SLC39A9: variants seen among roughly 807,000 people sequenced by gnomAD.
SLC39A9 encodes the protein solute carrier family 39 member 9.
A neutral mutation model predicts 28.4 loss-of-function variants in SLC39A9; 14 were observed. The observed-to-expected ratio is 0.49, with a 90% confidence interval of 0.33 to 0.77. SLC39A9 has a LOEUF of 0.77. Among genes scored for constraint, SLC39A9 ranks in the 30% least tolerant of loss-of-function variants. The probability of loss-of-function intolerance (pLI) is 0.02; values close to 1 mark genes in which losing one functional copy is unlikely to be tolerated. For missense variants in SLC39A9, 283 were observed against 381.1 expected, an observed-to-expected ratio of 0.74 and a Z score of 2.14; for synonymous variants, 119 against 149.6, an observed-to-expected ratio of 0.80 and a Z score of 1.49.
At chr14:69,409,797 G>A (rs192169983) in intron 1 of SLC39A9, among the ~76,000 whole-genome samples, 1 of 152,094 alleles carries the variant, frequency 6.6e-6, no homozygotes, top group African/African-American at 2.4e-5. Flanking sequence ...TTTTTTCAGG[G>A]ATAGAATGAT....
rs189947368 is a variant in SLC39A9, at chr14:69,460,654, T to C, written c.*2061T>C. Reference sequence around the variant, plus strand: ...TTCAGCAGTGCCTTGCCATCATGCTTAAAAGTTTGGCTAGTATATCTTGCT... The same window carrying C: ...TTCAGCAGTGCCTTGCCATCATGCTCAAAAGTTTGGCTAGTATATCTTGCT... On this transcript the variant is annotated 3_prime_UTR_variant, in exon 7 of 7. Coordinates refer to ENST00000336643, the MANE Select transcript of SLC39A9 (RefSeq NM_018375.5). 40 of 985,476 alleles carry C rather than the reference T, an allele frequency of 4.1e-5. No individual in the cohort carries two copies. The highest frequency in any genetic ancestry group is 4.7e-5 in the Non-Finnish European group (39 of 829,948). 61.0% of individuals were successfully genotyped at this position (985,476 alleles called of 1,614,324 possible).
chr14:69,408,711 C>G (rs1883073836), intron 1 of SLC39A9, among the ~76,000 whole-genome samples: 1 of 152,142 alleles, frequency 6.6e-6, no homozygotes, highest in South Asian at 2.1e-4. Context: ...GTCTACAAGC[C>G]TCTAGACTGC....
At chr14:69,422,631 C>G (rs1430439740) in intron 1 of SLC39A9, among the ~76,000 whole-genome samples, 1 of 152,180 alleles carries the variant, frequency 6.6e-6, no homozygotes, top group Non-Finnish European at 1.5e-5. Flanking sequence ...GTCACCCAAG[C>G]TGGAGTGCAG....
intron 4 of SLC39A9, among the ~76,000 whole-genome samples, chr14:69,453,526 A>G (rs72723841): frequency 2.1e-3 from 327 of 152,120 alleles, no homozygotes; most frequent in Non-Finnish European, 3.5e-3. Flanking sequence ...ATGGTTTAAA[A>G]AAAAAAAGAG....
chr14:69,453,441 C>T, intron 4 of SLC39A9, 132 bp downstream of exon 4: 2 of 709,810 alleles, frequency 2.8e-6, no homozygotes, highest in Admixed American at 2.6e-5. Context: ...TTAATGAAGT[C>T]CTCCAACACA....
At chr14:69,452,482 C>T (rs1384142196) in intron 3 of SLC39A9, among the ~76,000 whole-genome samples, 1 of 152,128 alleles carries the variant, frequency 6.6e-6, no homozygotes, top group African/African-American at 2.4e-5. Flanking sequence ...GCGCCCGCCA[C>T]CATACTCAGC....
intron 3 of SLC39A9, among the ~76,000 whole-genome samples, chr14:69,451,991 C>T (rs1269531359): frequency 6.6e-6 from 1 of 152,148 alleles, no homozygotes; most frequent in East Asian, 1.9e-4. Flanking sequence ...GCTGAGATTA[C>T]AGGCATGAGC....
intron 3 of SLC39A9, among the ~76,000 whole-genome samples, chr14:69,446,958 A>C (rs1885353939): frequency 6.7e-6 from 1 of 148,352 alleles, no homozygotes; most frequent in Non-Finnish European, 1.5e-5. Flanking sequence ...AGAGAGAGAG[A>C]GAGAGAGAGC....
intron 3 of SLC39A9, among the ~76,000 whole-genome samples, chr14:69,446,297 T>C (rs751127585): frequency 2.0e-5 from 3 of 150,896 alleles, no homozygotes; most frequent in Non-Finnish European, 4.4e-5. Context: ...TATATATATG[T>C]CCTAGCTCTG....
At chr14:69,431,809 G>A (rs986949483) in intron 2 of SLC39A9, among the ~76,000 whole-genome samples, 1 of 152,006 alleles carries the variant, frequency 6.6e-6, no homozygotes, top group African/African-American at 2.4e-5. Flanking sequence ...GAGAACATGT[G>A]GTATTTGGTT....
chr14:69,437,537 A>G (rs1466020033), intron 2 of SLC39A9, among the ~76,000 whole-genome samples: 1 of 152,030 alleles, frequency 6.6e-6, no homozygotes, highest in Non-Finnish European at 1.5e-5. Flanking sequence ...AGATGTCTCC[A>G]ACATTCCTTT....
At chr14:69,446,700 C>G (rs969107988) in intron 3 of SLC39A9, among the ~76,000 whole-genome samples, 3 of 151,540 alleles carry the variant, frequency 2.0e-5, no homozygotes, top group Non-Finnish European at 1.5e-5. Context: ...TGGTGAAACC[C>G]CATCTCTACT....
chr14:69,428,274 CAA>C (rs780805663), intron 2 of SLC39A9, among the ~76,000 whole-genome samples: 23 of 82,038 alleles, frequency 2.8e-4, no homozygotes, highest in African/African-American at 3.9e-4. Flanking sequence ...GACTCTGTCT[CAA>C]AAAAAAAAAA....
intron 1 of SLC39A9, among the ~76,000 whole-genome samples, chr14:69,401,689 A>C (rs1427731183): frequency 6.6e-6 from 1 of 152,182 alleles, no homozygotes; most frequent in African/African-American, 2.4e-5. Flanking sequence ...TTAGTATGTC[A>C]TGTCATTTGT....
intron 2 of SLC39A9, among the ~76,000 whole-genome samples, chr14:69,431,347 G>A (rs532244510): frequency 9.9e-5 from 15 of 150,780 alleles, no homozygotes; most frequent in South Asian, 2.1e-4. Flanking sequence ...GATTTGCTAC[G>A]TAAATAATCA....
In SLC39A9 at chr14:69,399,285, C is replaced by A; in HGVS notation, c.-85C>A. On this transcript the variant is annotated 5_prime_UTR_variant, in exon 1 of 7. Transcript: ENST00000336643. ...GGAAAGCCCACTCTCTTGGAACCAC[C>A]ACACCTGTTTAAAGAACCTAAGCAC... 1 of 1,212,066 alleles carries A rather than the reference C, an allele frequency of 8.3e-7. No homozygotes were observed. The highest frequency in any genetic ancestry group is 1.2e-6 in the Non-Finnish European group (1 of 832,580). 75.1% of individuals were successfully genotyped at this position (1,212,066 alleles called of 1,614,324 possible). A position where few individuals can be genotyped will look rare whatever the true frequency, so the allele number is the denominator to read the frequency against.
intron 3 of SLC39A9, among the ~76,000 whole-genome samples, chr14:69,445,857 G>A (rs1885269232): frequency 6.6e-6 from 1 of 152,134 alleles, no homozygotes; most frequent in Non-Finnish European, 1.5e-5. Flanking sequence ...CAATATGGAT[G>A]GGAGCGCTAA....
chr14:69,440,989 G>A (rs974572728), intron 2 of SLC39A9, among the ~76,000 whole-genome samples: 1 of 152,120 alleles, frequency 6.6e-6, no homozygotes, highest in Non-Finnish European at 1.5e-5. Flanking sequence ...TAAGAGACAG[G>A]ATCTCTAGGC....
At chr14:69,433,143 A>C (rs1366901692) in intron 2 of SLC39A9, among the ~76,000 whole-genome samples, 1 of 152,134 alleles carries the variant, frequency 6.6e-6, no homozygotes, top group African/African-American at 2.4e-5. Context: ...TAATGATATA[A>C]GGAAGTTCCA....
Sources: gnomAD v4.1 joint callset for allele counts (sites outside exome capture counted in the v4.1 genomes callset) on GRCh38, gnomAD v4.1.1 for gene constraint, MANE v1.5 for transcripts, NCBI Gene and HGNC (gene_info 2026-07-23, HGNC 2026-07-21) for gene names.